TPX2: variants seen among roughly 807,000 people sequenced by gnomAD.
The protein encoded by TPX2 is targeting protein for Xklp2.
In TPX2, 21 loss-of-function variants were observed where a neutral mutation model predicts 93.6. The observed-to-expected ratio is 0.22, with a 90% CI of 0.16 to 0.32. The LOEUF (loss-of-function observed/expected upper bound fraction) is 0.32, where lower values mean the gene tolerates loss of function less well. Among genes scored for constraint, TPX2 ranks in the 10% least tolerant of loss-of-function variants. TPX2 has a pLI of 1.00. For missense variants in TPX2, 776 were observed against 871.1 expected (o/e 0.89, Z 1.37); for synonymous variants, 281 against 298.3 (o/e 0.94, Z 0.60).
chr20:31,760,024 T>C lies in TPX2; in HGVS notation c.107-33T>C, dbSNP rs549500921. The C allele has an allele frequency of 1.2e-5, 20 of 1,608,914 alleles. No homozygotes were observed. The East Asian group carries it at 4.2e-4, about 34-fold the overall frequency. ...ATAGTGATTTGTTTTGCTTCCTTGC[T>C]GATCAGACAATGATGATCTTCCCTT... On this transcript the variant is annotated intron_variant, in intron 3 of 17. Transcript: ENST00000300403.
chr20:31,777,554 G>A lies in TPX2; in HGVS notation c.798G>A (p.Glu266=), dbSNP rs772772246. 2.5e-6 allele frequency: 4 copies of A among 1,614,154 alleles called. No individual in the cohort carries two copies. The highest frequency in any genetic ancestry group is 2.2e-5 in the South Asian group (2 of 91,084). ...TTGACTTCCACTTCCGCACAGATGAGCGAATCAAACAACATCCTAAGAACC... is the reference window on the plus strand; with the variant it reads ...TTGACTTCCACTTCCGCACAGATGAACGAATCAAACAACATCCTAAGAACC... The part of the protein sequence containing the change: ...KSVDFHFRTD[E]RIKQHPKNQE... Residue 266 remains glutamate, a synonymous_variant, in exon 9 of 18, where the codon GAG becomes GAA. Transcript: ENST00000300403.
chr20:31,774,777 G>GT (rs1221395993), intron 7 of TPX2, among the ~76,000 whole-genome samples: 1 of 151,846 alleles, frequency 6.6e-6, no homozygotes, highest in Non-Finnish European at 1.5e-5. Context: ...GTCTTTTTTT[G>GT]TTTTTGTTTT....
At chr20:31,745,011 T>C (rs1229193455) in intron 2 of TPX2, among the ~76,000 whole-genome samples, 3 of 152,028 alleles carry the variant, frequency 2.0e-5, no homozygotes, top group African/African-American at 7.2e-5. Context: ...CACTTGAACC[T>C]GGGAGGTGGA....
At chr20:31,772,821 A>G (rs1309009639) in intron 7 of TPX2, among the ~76,000 whole-genome samples, 3 of 152,180 alleles carry the variant, frequency 2.0e-5, no homozygotes, top group Non-Finnish European at 1.5e-5. Flanking sequence ...TACTCAGTCA[A>G]CAACTTTATA....
intron 12 of TPX2, among the ~76,000 whole-genome samples, chr20:31,791,525 C>A (rs888451755): frequency 6.6e-6 from 1 of 152,188 alleles, no homozygotes; most frequent in African/African-American, 2.4e-5. Flanking sequence ...ACCTCGTGAT[C>A]CACCCACCTC....
chr20:31,775,867 G>A lies in TPX2; in HGVS notation c.609G>A (p.Lys203=). The A allele has an allele frequency of 6.4e-7, 1 of 1,563,834 alleles. No homozygotes were observed. Among genetic ancestry groups the A allele is most frequent in the Non-Finnish European group, 8.7e-7 (1 of 1,154,864 alleles). ...RHTVPCMPPA[K]QKFLKSTEEQ... Reference sequence around the variant, plus strand: ...TCTCATTTACTGATTTTCTCTTTAGGCAGAAGTTTCTAAAAAGTACTGAGG... The same window carrying A: ...TCTCATTTACTGATTTTCTCTTTAGACAGAAGTTTCTAAAAAGTACTGAGG... Residue 203 remains lysine, a splice_region_variant and synonymous_variant, in exon 8 of 18, where the codon AAG becomes AAA. Transcript: ENST00000300403.
intron 1 of TPX2, among the ~76,000 whole-genome samples, chr20:31,740,587 T>C (rs1397363767): frequency 6.6e-6 from 1 of 152,192 alleles, no homozygotes; most frequent in Admixed American, 6.5e-5. Flanking sequence ...GCATGAGATA[T>C]TATGGGTGTA....
In TPX2 at chr20:31,783,919, G is replaced by T. The variant is rs1376085559; in HGVS notation, c.1411G>T (p.Val471Leu). The T allele has an allele frequency of 6.2e-7, 1 of 1,613,544 alleles. No individual in the cohort carries two copies. Among genetic ancestry groups the T allele is most frequent in the Non-Finnish European group, 8.5e-7 (1 of 1,179,918 alleles). Residue 471 changes from valine (V) to leucine (L), a missense_variant and splice_region_variant, in exon 12 of 18, where the codon GTG becomes TTG. Val to Leu is a conservative substitution (Grantham distance 32). Transcript: ENST00000300403. ...CCCTACTAAGATTTTGGAAGATGTT[G>T]TGGTAAGGTTGAGGCTATGTGTGCT... ...PCPTKILEDVVGVPEKKVLPI... is the reference protein window; with the variant it reads ...PCPTKILEDVLGVPEKKVLPI...
chr20:31,756,547 G>T (rs2061853211), intron 2 of TPX2, among the ~76,000 whole-genome samples: 1 of 152,126 alleles, frequency 6.6e-6, no homozygotes, highest in African/African-American at 2.4e-5. Context: ...AAAACACCTA[G>T]CACAGTGTAG....
chr20:31,766,455 G>GTGTGTGTGTGTGTGTGTGTGTGTGTA, intron 4 of TPX2, 101 bp from the exon 5 acceptor site: 1 of 179,470 alleles, frequency 5.6e-6, no homozygotes, highest in Middle Eastern at 1.5e-3. Flanking sequence ...CTTAGACAGG[G>GTGTGTGTGTGTGTGTGTGTGTGTGTA]TGTGTGTGTG....
At chr20:31,782,907 C>T (rs976029707) in intron 11 of TPX2, among the ~76,000 whole-genome samples, 7 of 151,454 alleles carry the variant, frequency 4.6e-5, no homozygotes, top group East Asian at 1.9e-4. Context: ...CACACACACA[C>T]ACACACACAC....
chr20:31,788,897 A>G (rs976288550), intron 12 of TPX2, among the ~76,000 whole-genome samples: 12 of 152,132 alleles, frequency 7.9e-5, no homozygotes, highest in African/African-American at 2.9e-4. Context: ...ATACTTCCCA[A>G]AATAACATTG....
intron 15 of TPX2, among the ~76,000 whole-genome samples, chr20:31,795,227 A>G (rs1211856959): frequency 2.0e-5 from 3 of 151,734 alleles, no homozygotes; most frequent in Non-Finnish European, 4.4e-5. Flanking sequence ...TCCGTCTCCC[A>G]GGTTCAAGTG....
rs11458149 is a variant in TPX2, at chr20:31,745,328, C to CTTTT, written c.-71+2696_-71+2699dup. 2.4e-5 allele frequency among the ~76,000 whole-genome samples: 3 copies of CTTTT among 123,256 alleles called. 1 individual carries two copies. Among genetic ancestry groups the CTTTT allele is most frequent in the East Asian group, 4.5e-4 (2 of 4,458 alleles). 80.9% of individuals were successfully genotyped at this position (123,256 alleles called of 152,430 possible). Reference sequence around the variant, plus strand: ...CACTCTCACCATCCATAGGTAAACACTTTTTTTTTTTTTTTTTTGGAGACA... The same window carrying CTTTT: ...CACTCTCACCATCCATAGGTAAACACTTTTTTTTTTTTTTTTTTTTTTGGAGACA... On this transcript the variant is annotated intron_variant, in intron 2 of 17. Transcript: ENST00000300403.
chr20:31,783,617 A>T, intron 11 of TPX2, 88 bp from the exon 12 acceptor site: 6 of 1,234,496 alleles, frequency 4.9e-6, no homozygotes, highest in Non-Finnish European at 6.9e-6. Context: ...CTTAATGATT[A>T]CTATTCTTTG....
In TPX2 at chr20:31,739,515, G is replaced by T. The variant is rs2122925598; in HGVS notation, c.-284G>T. 6.6e-6 allele frequency: 1 copy of T among 152,438 alleles called. No homozygotes were observed. The highest frequency in any genetic ancestry group is 1.9e-4 in the East Asian group (1 of 5,186). 9.4% of individuals were successfully genotyped at this position (152,438 alleles called of 1,614,324 possible). A position where few individuals can be genotyped will look rare whatever the true frequency, so the allele number is the denominator to read the frequency against. ...TCGCCGCCTAGGCGGGGCAGGGTGCGAGCAGGGGCTTCGGGCCACGCTTCT... is the reference window on the plus strand; with the variant it reads ...TCGCCGCCTAGGCGGGGCAGGGTGCTAGCAGGGGCTTCGGGCCACGCTTCT... On this transcript the variant is annotated 5_prime_UTR_variant, in exon 1 of 18. Coordinates refer to ENST00000300403, the MANE Select transcript of TPX2 (RefSeq NM_012112.5).
At chr20:31,763,723 T>G (rs2061905779) in intron 4 of TPX2, among the ~76,000 whole-genome samples, 1 of 107,842 alleles carries the variant, frequency 9.3e-6, no homozygotes. Flanking sequence ...TAAATTTAAT[T>G]TTTTTTTTTT....
chr20:31,759,901 G>A (rs2061877986), intron 3 of TPX2, among the ~76,000 whole-genome samples, 156 bp from the exon 4 acceptor site: 1 of 151,764 alleles, frequency 6.6e-6, no homozygotes, highest in Non-Finnish European at 1.5e-5. Flanking sequence ...GATGTGTAAT[G>A]TGTACTTTTT....
At chr20:31,789,352 A>G (rs1199964165) in intron 12 of TPX2, among the ~76,000 whole-genome samples, 1 of 152,170 alleles carries the variant, frequency 6.6e-6, no homozygotes, top group African/African-American at 2.4e-5. Flanking sequence ...CTGAGTGAGT[A>G]ATAGTAGAAG....
Sources: gnomAD v4.1 joint callset for allele counts (sites outside exome capture counted in the v4.1 genomes callset) on GRCh38, gnomAD v4.1.1 for gene constraint, MANE v1.5 for transcripts, NCBI Gene and HGNC (gene_info 2026-07-23, HGNC 2026-07-21) for gene names.